Variants in INPPL1 observed in about 807,000 individuals in gnomAD.
INPPL1 encodes the protein inositol polyphosphate phosphatase like 1, also known as phosphatidylinositol 3,4,5-trisphosphate 5-phosphatase 2.
Under a neutral mutation model 139.3 loss-of-function variants are expected in INPPL1, and 91 were observed. The ratio of observed to expected loss-of-function variants is 0.65; its 90% CI spans 0.55 to 0.78. The LOEUF (loss-of-function observed/expected upper bound fraction) is 0.78. Ranked by LOEUF, INPPL1 falls within the 30% of genes least tolerant of loss-of-function variation. The pLI is 0.00. For synonymous variants in INPPL1, 719 were observed against 686.6 expected, an observed-to-expected ratio of 1.05 and a Z score of -0.74; for missense variants, 1,411 against 1,665.6, an observed-to-expected ratio of 0.85 and a Z score of 2.66.
chr11:72,234,145 G>A lies in INPPL1; in HGVS notation c.2213-136G>A, dbSNP rs1216638626. Reference sequence around the variant, plus strand: ...CTGGAGATTCCCTGTTGGTGGCTTGGGACTGGGGAGGCCCCTCCTGGCCCT... The same window carrying A: ...CTGGAGATTCCCTGTTGGTGGCTTGAGACTGGGGAGGCCCCTCCTGGCCCT... On this transcript the variant is annotated intron_variant, in intron 19 of 27. Coordinates refer to ENST00000298229, the MANE Select transcript of INPPL1 (RefSeq NM_001567.4). This position sits in a 1 kb window ranked among gnomAD's most constrained non-coding sequence, Gnocchi z 4.2. 3 of 669,796 alleles carry A rather than the reference G, an allele frequency of 4.5e-6. No individual in the cohort carries two copies. The East Asian group carries it at 8.1e-5, about 18-fold the overall frequency. The allele number at this position is 669,796 out of a possible 1,614,324, so 41.5% of individuals were successfully genotyped here.
chr11:72,226,038 C>T (rs890447510), intron 1 of INPPL1, among the ~76,000 whole-genome samples: 2 of 152,126 alleles, frequency 1.3e-5, no homozygotes, highest in Non-Finnish European at 2.9e-5. Flanking sequence ...TTATTTAGAT[C>T]AGTTATTTAG....
chr11:72,229,238 G>A lies in INPPL1; in HGVS notation c.659+8G>A. Reference sequence around the variant, plus strand: ...ATGCCGGAGGCTGCACAGGTATCTGGGACATCCAGCCCCATGTATTACACC... The same window carrying A: ...ATGCCGGAGGCTGCACAGGTATCTGAGACATCCAGCCCCATGTATTACACC... On this transcript the variant is annotated splice_region_variant and intron_variant, in intron 5 of 27. Coordinates refer to ENST00000298229, the MANE Select transcript of INPPL1 (RefSeq NM_001567.4). 3 of 1,601,908 alleles carry A rather than the reference G, an allele frequency of 1.9e-6. No individual in the cohort carries two copies. In the South Asian group the frequency reaches 3.3e-5, roughly 18 times the overall value.
chr11:72,239,127 T>G lies in INPPL1; in HGVS notation c.*774T>G, dbSNP rs1949085381. ...TGGATTGAGTAAAACTTCAATAAAT[T>G]ACAAGTTTTTCAAAGAAAAAGGACA... On this transcript the variant is annotated 3_prime_UTR_variant, in exon 28 of 28. Transcript: ENST00000298229. 3 of 152,078 alleles carry G rather than the reference T, an allele frequency of 2.0e-5. No homozygotes were observed. Among genetic ancestry groups the G allele is most frequent in the Admixed American group, 2.0e-4 (3 of 15,264 alleles). 9.4% of individuals were successfully genotyped at this position (152,078 alleles called of 1,614,324 possible).
Position 72,232,270 on chromosome 11 carries a change from TG to T in INPPL1, c.1647del (p.Met549IlefsTer10), listed in dbSNP as rs1948855997. 1 of 1,557,482 alleles carries T rather than the reference TG, an allele frequency of 6.4e-7. No homozygotes were observed. The highest frequency in any genetic ancestry group is 1.4e-5 in the African/African-American group (1 of 73,542). On this transcript the variant is annotated frameshift_variant, in exon 14 of 28. Coordinates refer to ENST00000298229, the MANE Select transcript of INPPL1 (RefSeq NM_001567.4). LOFTEE classifies it high-confidence loss of function. ...AAGGGGGCTGTGGGCGTCTCCTTCA[TG>T]TTTAATGGCACCTCATTTGGCTTTG... ...GNKGAVGVSF[M>X]FNGTSFGFVN...
chr11:72,228,790 C>T lies in INPPL1; in HGVS notation c.461C>T (p.Thr154Ile). The T allele has an allele frequency of 6.2e-7, 1 of 1,612,944 alleles. No homozygotes were observed. Among genetic ancestry groups the T allele is most frequent in the Non-Finnish European group, 8.5e-7 (1 of 1,179,428 alleles). The change falls in exon 4 of 28, where the codon ACT becomes ATT. Residue 154 changes from threonine (T) to isoleucine (I), a missense_variant. By Grantham distance (89) the Thr-to-Ile change is moderately conservative (BLOSUM62 -1). Transcript: ENST00000298229. This position sits in a 1 kb window ranked among gnomAD's most constrained non-coding sequence, Gnocchi z 5.0. ...GGCTCCACCAGCATTTCTGCCCCCACTGGGCCCAGCAGTCCCCTGCCAGCT... is the reference window on the plus strand; with the variant it reads ...GGCTCCACCAGCATTTCTGCCCCCATTGGGCCCAGCAGTCCCCTGCCAGCT... ...RSGSTSISAP[T>I]GPSSPLPAPE... is the part of the protein sequence containing the mutation.
chr11:72,230,491 C>T, intron 10 of INPPL1, 23 bp downstream of exon 10: 5 of 1,606,208 alleles, frequency 3.1e-6, no homozygotes, highest in Non-Finnish European at 4.3e-6. Flanking sequence ...CTGGGCCAGG[C>T]CACTGGGGAC....
rs554884163 is a variant in INPPL1 at position 72,237,576 on chromosome 11, G to A, written c.3332G>A (p.Gly1111Glu). ...PGPSPASTFL[G>E]EVASGDDRSC... ...CCCTCACCAGCCAGCACTTTCCTGG[G>A]GGAAGTGGCCAGTGGGGATGACCGG... The change falls in exon 26 of 28, where the codon GGG becomes GAG. Residue 1111 changes from glycine to glutamate, a missense_variant. Transcript: ENST00000298229. The A allele has an allele frequency of 3.1e-6, 5 of 1,598,128 alleles. No homozygotes were observed. The African/African-American group carries it at 4.0e-5, about 13-fold the overall frequency.
At chr11:72,227,546 C>G (rs1948707600) in intron 1 of INPPL1, among the ~76,000 whole-genome samples, 1 of 152,130 alleles carries the variant, frequency 6.6e-6, no homozygotes, top group African/African-American at 2.4e-5. Flanking sequence ...TCTTCCATCC[C>G]CCGCTGATTG....
chr11:72,231,771 T>C (rs978948837), intron 13 of INPPL1, among the ~76,000 whole-genome samples, 156 bp downstream of exon 13: 2 of 152,046 alleles, frequency 1.3e-5, no homozygotes, highest in African/African-American at 4.8e-5. Flanking sequence ...ATTCTAAATC[T>C]CTCCCAGCAC....
At position 72,235,564 on chromosome 11, in the gene INPPL1, G is replaced by T. The variant is rs1948963588; in HGVS notation, c.2660-111G>T. 1 of 1,560,412 alleles carries T rather than the reference G, an allele frequency of 6.4e-7. No individual in the cohort carries two copies. The highest frequency in any genetic ancestry group is 1.2e-5 in the South Asian group (1 of 85,956). ...ACCTGGAGGTTCTGCAGCCACAGCTGGGAATAGTCCTGCCCCAAGGCATAG... is the reference window on the plus strand; with the variant it reads ...ACCTGGAGGTTCTGCAGCCACAGCTTGGAATAGTCCTGCCCCAAGGCATAG... On this transcript the variant is annotated intron_variant, in intron 23 of 27. Coordinates refer to ENST00000298229, the MANE Select transcript of INPPL1 (RefSeq NM_001567.4). This position sits in a 1 kb window ranked among gnomAD's most constrained non-coding sequence, Gnocchi z 4.9.
In INPPL1 at chr11:72,235,244, AG is replaced by A. The variant is rs555758635; in HGVS notation, c.2503+44del. 23 of 1,612,958 alleles carry A rather than the reference AG, an allele frequency of 1.4e-5. No individual in the cohort carries two copies. In the South Asian group the frequency reaches 2.0e-4, roughly 14 times the overall value. On this transcript the variant is annotated intron_variant, in intron 22 of 27. Transcript: ENST00000298229. The surrounding 1 kb of genome is among the most constrained non-coding windows in gnomAD (Gnocchi z 4.9). Reference sequence around the variant, plus strand: ...TGCTGAGGGGAACAGGAAGCCAGACAGGGCCCTAGATTAGCTTGGTAATTTG... The same window carrying A: ...TGCTGAGGGGAACAGGAAGCCAGACAGGCCCTAGATTAGCTTGGTAATTTG...
chr11:72,229,099 TG>T lies in INPPL1; in HGVS notation c.531del (p.Leu178Ter). On this transcript the variant is annotated frameshift_variant, in exon 5 of 28. Transcript: ENST00000298229. LOFTEE classifies it high-confidence loss of function. ...TAPAAESAPN[G>X]LSTVSHDYLK... ...TAACCCCTCCCCAAAGTGCTCCCAA[TG>T]GGCTGAGCACCGTCTCGCACGACTA... 1 of 1,610,332 alleles carries T rather than the reference TG, an allele frequency of 6.2e-7. No individual in the cohort carries two copies.
chr11:72,229,070 T>G lies in INPPL1; in HGVS notation c.519-20T>G. 1.3e-6 allele frequency: 2 copies of G among 1,594,702 alleles called. No homozygotes were observed. Among genetic ancestry groups the G allele is most frequent in the Non-Finnish European group, 1.7e-6 (2 of 1,168,270 alleles). ...ACAGGTCAGCAGGACCTCCACTGAC[T>G]TCTTAACCCCTCCCCAAAGTGCTCC... On this transcript the variant is annotated intron_variant, in intron 4 of 27. Coordinates refer to ENST00000298229, the MANE Select transcript of INPPL1 (RefSeq NM_001567.4).
rs1017419235 is a variant in INPPL1 at position 72,234,451 on chromosome 11, G to A, written c.2326+57G>A. On this transcript the variant is annotated intron_variant, in intron 20 of 27. Coordinates refer to ENST00000298229, the MANE Select transcript of INPPL1 (RefSeq NM_001567.4). The surrounding 1 kb of genome is among the most constrained non-coding windows in gnomAD (Gnocchi z 4.2). ...CAAGGAGGATGGGAGGCAAGAGGGT[G>A]CAGTCAGCCCCCTACTTAGGGGGAA... 7.6e-6 allele frequency: 12 copies of A among 1,587,930 alleles called. No homozygotes were observed. In the African/African-American group the frequency reaches 8.1e-5, roughly 11 times the overall value.
Position 72,237,710 on chromosome 11 carries a change from C to CCG in INPPL1, c.3466_3467insCG (p.Arg1156ProfsTer47). 6.2e-7 allele frequency: 1 copy of CCG among 1,611,418 alleles called. No individual in the cohort carries two copies. The highest frequency in any genetic ancestry group is 8.5e-7 in the Non-Finnish European group (1 of 1,179,334). ...AGGCCCCCTGGAGCTGCAGCCCCCCCGGGGACTGCCCTCGGACTATGGCCG... is the reference window on the plus strand; with the variant it reads ...AGGCCCCCTGGAGCTGCAGCCCCCCCCGGGGGACTGCCCTCGGACTATGGCCG... On this transcript the variant is annotated frameshift_variant, in exon 26 of 28. Transcript: ENST00000298229. LOFTEE classifies it high-confidence loss of function.
At chr11:72,224,165 C>T (rs1038319487), upstream of INPPL1, among the ~76,000 whole-genome samples, 2 of 152,060 alleles carry the variant, frequency 1.3e-5, no homozygotes, top group Non-Finnish European at 2.9e-5. Context: ...CGTCGCACCT[C>T]GTCTGGGCCC....
In INPPL1 at chr11:72,229,125, A is replaced by G. The variant is rs771366109; in HGVS notation, c.554A>G (p.Tyr185Cys). ...GGGCTGAGCACCGTCTCGCACGACT[A>G]CCTGAAAGGCAGCTATGGGCTGGAC... Reference protein sequence around the residue: ...PNGLSTVSHDYLKGSYGLDLE... With the variant: ...PNGLSTVSHDCLKGSYGLDLE... Residue 185 changes from tyrosine to cysteine, a missense_variant, in exon 5 of 28, where the codon TAC becomes TGC. Physicochemically the swap from Tyr to Cys is radical, Grantham distance 194 (BLOSUM62 -2). Around this residue, in one of 5 missense-constraint regions of INPPL1, gnomAD observed 504 missense variants for 595.6 expected, o/e 0.85. Coordinates refer to ENST00000298229, the MANE Select transcript of INPPL1 (RefSeq NM_001567.4). 1.4e-5 allele frequency: 22 copies of G among 1,613,580 alleles called. No individual in the cohort carries two copies. Among genetic ancestry groups the G allele is most frequent in the Admixed American group, 3.3e-5 (2 of 59,964 alleles).
In INPPL1 at chr11:72,238,123, C is replaced by T. The variant is rs758010493; in HGVS notation, c.3634C>T (p.Arg1212Cys). ...SAWLRAIGLERYEEGLVHNGW... is the reference protein window; with the variant it reads ...SAWLRAIGLECYEEGLVHNGW... ...CTGGCTGCGGGCCATCGGCTTGGAG[C>T]GCTATGAGGAGGGCCTGGTGCATAA... The change falls in exon 27 of 28, where the codon CGC becomes TGC. Residue 1212 changes from arginine (R) to cysteine (C), a missense_variant. Arg to Cys is a radical substitution (Grantham distance 180). Transcript: ENST00000298229. The T allele has an allele frequency of 1.3e-6, 2 of 1,577,520 alleles. No homozygotes were observed. The highest frequency in any genetic ancestry group is 1.2e-5 in the South Asian group (1 of 84,858).
At position 72,234,323 on chromosome 11, in the gene INPPL1, G is replaced by A. The variant is rs139988373; in HGVS notation, c.2255G>A (p.Ser752Asn). The A allele has an allele frequency of 6.2e-6, 10 of 1,614,014 alleles. No homozygotes were observed. Among genetic ancestry groups the A allele is most frequent in the East Asian group, 2.2e-5 (1 of 44,884 alleles). ...GACCAGGCCTACATTGAGTTTGAGA[G>A]CATCGAGGCCATTGTGAAGACAGCC... is the stretch of plus-strand genomic sequence containing the variant. ...TSDQAYIEFE[S>N]IEAIVKTASR... The change falls in exon 20 of 28, where the codon AGC becomes AAC. Residue 752 changes from serine (S) to asparagine (N), a missense_variant. This residue lies in a region of INPPL1 where 363 missense variants were observed against 446.2 expected (regional missense o/e 0.81). Coordinates refer to ENST00000298229, the MANE Select transcript of INPPL1 (RefSeq NM_001567.4). This position sits in a 1 kb window ranked among gnomAD's most constrained non-coding sequence, Gnocchi z 4.2.
Sources: gnomAD v4.1 joint callset for allele counts (sites outside exome capture counted in the v4.1 genomes callset) on GRCh38, gnomAD v4.1.1 for gene constraint, gnomAD v4.1.1 regional missense constraint, Gnocchi (gnomAD v3.1) non-coding constraint, MANE v1.5 for transcripts, NCBI Gene and HGNC (gene_info 2026-07-23, HGNC 2026-07-21) for gene names.